Variants in CCDC38 observed in about 807,000 individuals in gnomAD.
The protein encoded by CCDC38 is coiled-coil domain containing 38, also known as coiled-coil domain-containing protein 38.
Under a neutral mutation model 72.8 loss-of-function variants are expected in CCDC38, and 69 were observed. The ratio of observed to expected loss-of-function variants is 0.95; its 90% confidence interval spans 0.78 to 1.16. CCDC38 has a LOEUF of 1.16. Among genes scored for constraint, CCDC38 ranks in the 50% most tolerant of loss-of-function variants. The pLI is 0.00. For synonymous variants in CCDC38, 201 were observed against 213.2 expected, an observed-to-expected ratio of 0.94 and a Z score of 0.50; for missense variants, 626 against 638.9, an observed-to-expected ratio of 0.98 and a Z score of 0.22.
intron 4 of CCDC38, among the ~76,000 whole-genome samples, chr12:95,907,738 G>A (rs1395645063): frequency 6.7e-6 from 1 of 149,682 alleles, no homozygotes. Flanking sequence ...GCGGTTGCCA[G>A]GCAGAGGGTC....
At chr12:95,934,389 A>G (rs1348113264) in intron 2 of CCDC38, 3 of 152,156 alleles carry the variant, frequency 2.0e-5, no homozygotes, top group African/African-American at 7.2e-5. Flanking sequence ...TATGGGTCTT[A>G]GGGAACTGGT....
At chr12:95,897,285 T>C (rs1371805630) in intron 7 of CCDC38, among the ~76,000 whole-genome samples, 1 of 152,048 alleles carries the variant, frequency 6.6e-6, no homozygotes, top group Non-Finnish European at 1.5e-5. Context: ...TGTCCAAAAA[T>C]GATGACAGAA....
At chr12:95,917,528 C>T (rs2080158755) in intron 3 of CCDC38, among the ~76,000 whole-genome samples, 1 of 152,012 alleles carries the variant, frequency 6.6e-6, no homozygotes, top group African/African-American at 2.4e-5. Context: ...TGGAAAATGT[C>T]CTCTCAGCTT....
chr12:95,908,247 G>A (rs1419397833), intron 4 of CCDC38, among the ~76,000 whole-genome samples: 4 of 151,484 alleles, frequency 2.6e-5, no homozygotes, highest in Non-Finnish European at 5.9e-5. Flanking sequence ...ATCACTCGCG[G>A]TTAGGAGCTG....
At chr12:95,919,405 C>G (rs1334872828) in intron 2 of CCDC38, 1 of 408,592 alleles carries the variant, frequency 2.4e-6, no homozygotes, top group South Asian at 1.8e-5. Context: ...TGTTACAGGG[C>G]ATACTTCTAC....
chr12:95,928,827 G>A (rs1232605302), intron 2 of CCDC38, among the ~76,000 whole-genome samples: 1 of 152,192 alleles, frequency 6.6e-6, no homozygotes, highest in Non-Finnish European at 1.5e-5. Context: ...CCCTGCTAGG[G>A]GGTGACTCCC....
chr12:95,903,711 T>C (rs752075622), intron 5 of CCDC38: 14 of 390,128 alleles, frequency 3.6e-5, no homozygotes, highest in African/African-American at 2.1e-5. Context: ...AAATGTTAAA[T>C]TACTTTTGTA....
chr12:95,930,422 AT>A (rs1388165878), intron 2 of CCDC38, among the ~76,000 whole-genome samples: 1 of 152,036 alleles, frequency 6.6e-6, no homozygotes, highest in Non-Finnish European at 1.5e-5. Flanking sequence ...TGGTAGTGAA[AT>A]TCCTGGGATT....
chr12:95,896,055 C>CAAAAAA (rs1169899419), intron 7 of CCDC38, among the ~76,000 whole-genome samples: 4 of 73,016 alleles, frequency 5.5e-5, no homozygotes, highest in Admixed American at 1.6e-4. Context: ...GACTCTGTCT[C>CAAAAAA]AAAAAAAAAA....
chr12:95,890,689 G>A (rs927884589), intron 9 of CCDC38, 143 bp downstream of exon 9: 2 of 542,100 alleles, frequency 3.7e-6, no homozygotes, highest in African/African-American at 1.9e-5. Flanking sequence ...GTGAGAGAGA[G>A]AACCAGAGCC....
At chr12:95,938,620 C>T (rs1446793156) in intron 1 of CCDC38, among the ~76,000 whole-genome samples, 1 of 152,148 alleles carries the variant, frequency 6.6e-6, no homozygotes, top group East Asian at 1.9e-4. Context: ...TCAGCAGTCT[C>T]CAGATGTTGT....
At chr12:95,932,135 G>A (rs534546456) in intron 2 of CCDC38, among the ~76,000 whole-genome samples, 1 of 152,264 alleles carries the variant, frequency 6.6e-6, no homozygotes, top group African/African-American at 2.4e-5. Flanking sequence ...GAGAAGGAAT[G>A]TGGTCTGACC....
chr12:95,934,852 T>C (rs1211588117), intron 2 of CCDC38: 1 of 151,962 alleles, frequency 6.6e-6, no homozygotes, highest in African/African-American at 2.4e-5. Context: ...CTACTAAAAA[T>C]ACAAAAATTA....
chr12:95,867,447 A>G (rs904546136), intron 15 of CCDC38, among the ~76,000 whole-genome samples: 4 of 152,192 alleles, frequency 2.6e-5, no homozygotes, highest in Non-Finnish European at 4.4e-5. Context: ...AAACTTAGGT[A>G]AAGTCATCAA....
chr12:95,901,366 C>G (rs1431732628), intron 5 of CCDC38, among the ~76,000 whole-genome samples: 1 of 151,976 alleles, frequency 6.6e-6, no homozygotes, highest in East Asian at 1.9e-4. Context: ...AACATGAAGT[C>G]TGAAATGGTT....
At chr12:95,912,353 C>T (rs1334451502) in intron 4 of CCDC38, among the ~76,000 whole-genome samples, 1 of 152,082 alleles carries the variant, frequency 6.6e-6, no homozygotes, top group African/African-American at 2.4e-5. Flanking sequence ...GCACATGTAT[C>T]CCCTGAATCT....
At chr12:95,909,849 C>A (rs762571148) in intron 4 of CCDC38, among the ~76,000 whole-genome samples, 1 of 152,196 alleles carries the variant, frequency 6.6e-6, no homozygotes, top group Non-Finnish European at 1.5e-5. Context: ...TAAAATCCAA[C>A]ATCCCCTTAT....
At chr12:95,927,842 T>C (rs370668523) in intron 2 of CCDC38, among the ~76,000 whole-genome samples, 8 of 149,214 alleles carry the variant, frequency 5.4e-5, no homozygotes, top group African/African-American at 1.7e-4. Flanking sequence ...AAAATTCTTT[T>C]CTTTAAGAAT....
intron 9 of CCDC38, among the ~76,000 whole-genome samples, chr12:95,889,897 CTTTATTTA>C (rs10672045): frequency 6.0e-5 from 9 of 150,282 alleles, no homozygotes; most frequent in Middle Eastern, 3.2e-3. Flanking sequence ...GCTTATTTTA[CTTTATTTA>C]TTTATTTATT....
Sources: gnomAD v4.1 joint callset for allele counts (sites outside exome capture counted in the v4.1 genomes callset) on GRCh38, gnomAD v4.1.1 for gene constraint, MANE v1.5 for transcripts, NCBI Gene and HGNC (gene_info 2026-07-23, HGNC 2026-07-21) for gene names.